Variants in HCK observed in about 807,000 individuals in gnomAD.
HCK encodes the protein tyrosine-protein kinase HCK.
HCK carries 40 observed loss-of-function variants against 70.4 expected under a neutral mutation model. The ratio of observed to expected loss-of-function variants is 0.57; its 90% CI spans 0.44 to 0.74. The LOEUF (loss-of-function observed/expected upper bound fraction) is 0.74, where lower values mean the gene tolerates loss of function less well. Among genes scored for constraint, HCK ranks in the 30% least tolerant of loss-of-function variants. The probability of loss-of-function intolerance (pLI) is 0.00; values close to 1 mark genes in which losing one functional copy is unlikely to be tolerated. For synonymous variants in HCK, 245 were observed against 263.2 expected (o/e 0.93, Z 0.67); for missense variants, 568 against 697.2 (o/e 0.81, Z 2.09).
chr20:32,094,868 C>T (rs200671784), intron 11 of HCK, among the ~76,000 whole-genome samples: 2 of 151,408 alleles, frequency 1.3e-5, no homozygotes, highest in African/African-American at 2.4e-5. Context: ...GAAAGAGGCA[C>T]AAGCCAATGC....
intron 1 of HCK, among the ~76,000 whole-genome samples, chr20:32,068,483 G>C (rs1459052246): frequency 6.6e-6 from 1 of 151,456 alleles, no homozygotes; most frequent in Admixed American, 6.6e-5. Flanking sequence ...TATATTTGTG[G>C]CTCACATGAC....
At chr20:32,094,698 A>AG (rs2045910467) in intron 11 of HCK, among the ~76,000 whole-genome samples, 1 of 118,652 alleles carries the variant, frequency 8.4e-6, no homozygotes, top group Non-Finnish European at 1.7e-5. Flanking sequence ...AGAAAAGAAA[A>AG]GAAAAGAAAA....
rs767954647 is a variant in HCK at position 32,071,772 on chromosome 20, C to T, written c.173C>T (p.Thr58Ile). The T allele has an allele frequency of 5.1e-5, 82 of 1,613,732 alleles. No homozygotes were observed. Among genetic ancestry groups the T allele is most frequent in the South Asian group, 4.8e-4 (44 of 91,064 alleles). Residue 58 changes from threonine to isoleucine, a missense_variant, in exon 2 of 13, where the codon ACC (threonine) becomes ATC (isoleucine). Thr to Ile is a moderately conservative substitution (Grantham distance 89). This residue lies in a region of HCK where 318 missense variants were observed against 336.0 expected (regional missense o/e 0.95). Transcript: ENST00000375852. ...GTGTACGTGCCGGATCCCACATCCA[C>T]CATCAAGCCGGTGAGTAGGGGAGGT...
At chr20:32,057,101 G>A (rs2045284163) in intron 1 of HCK, among the ~76,000 whole-genome samples, 1 of 152,234 alleles carries the variant, frequency 6.6e-6, no homozygotes. Flanking sequence ...TAGCAGCCCT[G>A]AGACTAGAAC....
intron 8 of HCK, among the ~76,000 whole-genome samples, chr20:32,085,357 TACA>T (rs535416180): frequency 5.8e-4 from 88 of 151,552 alleles, no homozygotes; most frequent in Middle Eastern, 3.4e-3. Flanking sequence ...TACGAAAAAA[TACA>T]ACAATTAGCC....
At chr20:32,073,400 C>T in intron 3 of HCK, 39 bp downstream of exon 3, 1 of 1,536,540 alleles carries the variant, frequency 6.5e-7, no homozygotes, top group Non-Finnish European at 9.0e-7. Flanking sequence ...GTCATGTGTC[C>T]TGCAGAGGAC....
intron 12 of HCK, 128 bp from the exon 13 acceptor site, chr20:32,101,181 GTCTTTCAC>G: frequency 1.3e-6 from 1 of 751,702 alleles, no homozygotes; most frequent in Non-Finnish European, 2.2e-6. Flanking sequence ...GTGGAAGTCT[GTCTTTCAC>G]AGTGGAAGGG....
chr20:32,077,950 A>G (rs956735490), intron 5 of HCK, among the ~76,000 whole-genome samples: 14 of 152,102 alleles, frequency 9.2e-5, no homozygotes, highest in Admixed American at 9.2e-4. Flanking sequence ...CTCCTGGTGT[A>G]TATGTCATTT....
chr20:32,083,300 A>G (rs1248708198), intron 6 of HCK, among the ~76,000 whole-genome samples: 1 of 152,214 alleles, frequency 6.6e-6, no homozygotes, highest in Non-Finnish European at 1.5e-5. Flanking sequence ...CATGTAAGGT[A>G]ACATATTCCC....
chr20:32,067,429 T>C (rs1488746722), intron 1 of HCK, among the ~76,000 whole-genome samples: 1 of 152,096 alleles, frequency 6.6e-6, no homozygotes, highest in African/African-American at 2.4e-5. Flanking sequence ...CTACTTTTTG[T>C]ATCTCCTAAT....
chr20:32,094,787 G>T (rs1239411636), intron 11 of HCK, among the ~76,000 whole-genome samples: 4 of 105,306 alleles, frequency 3.8e-5, no homozygotes, highest in Non-Finnish European at 7.6e-5. Flanking sequence ...GAGAGAGAAA[G>T]AGAAAGAAAG....
At chr20:32,096,421 C>T (rs1432597653) in intron 11 of HCK, among the ~76,000 whole-genome samples, 3 of 150,496 alleles carry the variant, frequency 2.0e-5, no homozygotes, top group African/African-American at 4.9e-5. Flanking sequence ...CATTTGAACC[C>T]GGGAGGCAGA....
chr20:32,094,752 A>AGAAG (rs1372966218), intron 11 of HCK, among the ~76,000 whole-genome samples: 14 of 112,938 alleles, frequency 1.2e-4, no homozygotes, highest in Non-Finnish European at 1.9e-4. Context: ...AAAGAAAGAA[A>AGAAG]GAAAGAAAGA....
intron 12 of HCK, among the ~76,000 whole-genome samples, chr20:32,099,701 G>A (rs977777374): frequency 5.3e-5 from 8 of 151,878 alleles, no homozygotes; most frequent in African/African-American, 1.7e-4. Context: ...TTGGCCACTC[G>A]ACTCCAAAAC....
chr20:32,083,796 A>G, intron 6 of HCK, 98 bp from the exon 7 acceptor site: 1 of 1,422,614 alleles, frequency 7.0e-7, no homozygotes. Flanking sequence ...AGGTGTCAGG[A>G]CGGTGCCAGC....
chr20:32,072,931 T>A (rs2045564195), intron 2 of HCK, among the ~76,000 whole-genome samples: 1 of 152,036 alleles, frequency 6.6e-6, no homozygotes, highest in African/African-American at 2.4e-5. Flanking sequence ...TGAAACCCCA[T>A]CTCTACTAAA....
At chr20:32,098,782 C>G (rs1264990348) in intron 11 of HCK, among the ~76,000 whole-genome samples, 5 of 152,176 alleles carry the variant, frequency 3.3e-5, no homozygotes, top group Admixed American at 3.3e-4. Flanking sequence ...GAGTGAACTT[C>G]CACACCATAC....
intron 1 of HCK, among the ~76,000 whole-genome samples, chr20:32,061,617 T>C (rs945913171): frequency 1.3e-5 from 2 of 152,124 alleles, no homozygotes; most frequent in Non-Finnish European, 2.9e-5. Flanking sequence ...GCCAGGGTGA[T>C]GAGGGAAGGT....
chr20:32,099,308 C>A (rs982202599), intron 12 of HCK, among the ~76,000 whole-genome samples, 173 bp downstream of exon 12: 1 of 149,442 alleles, frequency 6.7e-6, no homozygotes, highest in African/African-American at 2.5e-5. Flanking sequence ...AGCCTGAAAT[C>A]TGGGGGCTTC....
Sources: allele counts gnomAD v4.1 joint callset (sites outside exome capture counted in the v4.1 genomes callset), GRCh38; gene constraint gnomAD v4.1.1; regional missense constraint gnomAD v4.1.1; transcripts MANE v1.5; gene names NCBI Gene and HGNC (gene_info 2026-07-23, HGNC 2026-07-21).